NEMP2: variants seen among roughly 807,000 people sequenced by gnomAD.
NEMP2 encodes the protein UPF0571 transmembrane protein.
In NEMP2, 53 loss-of-function variants were observed where a neutral mutation model predicts 54.2. The observed-to-expected ratio is 0.98, with a 90% confidence interval of 0.78 to 1.23. NEMP2 has a LOEUF of 1.23. Ranked by LOEUF, NEMP2 falls within the 50% of genes most tolerant of loss-of-function variation. NEMP2 has a pLI of 0.00. For missense variants in NEMP2, 455 were observed against 511.3 expected, an observed-to-expected ratio of 0.89 and a Z score of 1.06; for synonymous variants, 197 against 190.3, an observed-to-expected ratio of 1.04 and a Z score of -0.29.
At chr2:190,493,071 TA>T in the NEMP2 span, among the ~76,000 whole-genome samples, 2 of 152,214 alleles carry the variant, frequency 1.3e-5, no homozygotes. Flanking sequence ...ATGCTCCACT[TA>T]AAAGATACAG....
At chr2:190,535,198 C>A (rs1209208498), upstream of NEMP2, 2 of 152,248 alleles carry the variant, frequency 1.3e-5, no homozygotes, top group African/African-American at 4.8e-5. Flanking sequence ...AAGCCAGTTT[C>A]TTTATTTTAC....
the NEMP2 span, among the ~76,000 whole-genome samples, chr2:190,621,288 A>G: frequency 6.6e-6 from 1 of 152,240 alleles, no homozygotes; most frequent in Non-Finnish European, 1.5e-5. Flanking sequence ...CCTAGGCTAC[A>G]AACTTGTACA....
rs1284263732 is a variant in NEMP2, at chr2:190,518,756, AAAG to A, written c.495_497del (p.Phe166del). 4 of 1,544,388 alleles carry A rather than the reference AAAG, an allele frequency of 2.6e-6. No individual in the cohort carries two copies. Among genetic ancestry groups the A allele is most frequent in the Admixed American group, 4.1e-5 (2 of 49,348 alleles). On this transcript the variant is annotated inframe_deletion, in exon 4 of 9. Transcript: ENST00000409150. The stretch of plus-strand genomic sequence containing the variant: ...CTTACTGACTCAGGGTCCTTGCATA[AAAG>A]AAAAGAAAAACTCCTGCCACAAACA...
the NEMP2 span, among the ~76,000 whole-genome samples, chr2:190,559,931 G>A: frequency 6.6e-6 from 1 of 152,192 alleles, no homozygotes; most frequent in African/African-American, 2.4e-5. This position sits in a 1 kb window ranked among gnomAD's most constrained non-coding sequence, Gnocchi z 4.0. Context: ...GTATCTAAAA[G>A]GAGGAGGTGA....
chr2:190,446,102 T>G, the NEMP2 span, among the ~76,000 whole-genome samples: 1 of 152,156 alleles, frequency 6.6e-6, no homozygotes, highest in African/African-American at 2.4e-5. Flanking sequence ...AATAGCACTC[T>G]CCAAAAGTGA....
the NEMP2 span, among the ~76,000 whole-genome samples, chr2:190,647,716 T>C: frequency 3.9e-3 from 564 of 143,104 alleles, 3 homozygotes; most frequent in African/African-American, 0.013. Flanking sequence ...TCTTCTTTTT[T>C]TTTTTTTTTT....
At chr2:190,437,521 T>G in the NEMP2 span, 3 of 1,614,096 alleles carry the variant, frequency 1.9e-6, no homozygotes, top group Non-Finnish European at 2.5e-6. The surrounding 1 kb of genome is among the most constrained non-coding windows in gnomAD (Gnocchi z 5.9). Context: ...GACAGCATAT[T>G]TTTTTAGTCA....
At chr2:190,546,079 A>G in the NEMP2 span, among the ~76,000 whole-genome samples, 1 of 152,232 alleles carries the variant, frequency 6.6e-6, no homozygotes, top group Admixed American at 6.5e-5. The surrounding 1 kb of genome is among the most constrained non-coding windows in gnomAD (Gnocchi z 5.1). Context: ...CTATAACAAA[A>G]TCACAATTTC....
intron 7 of NEMP2, among the ~76,000 whole-genome samples, chr2:190,511,469 T>C (rs1049202928): frequency 1.3e-5 from 2 of 152,062 alleles, no homozygotes; most frequent in Non-Finnish European, 2.9e-5. Context: ...TCTAAAAATT[T>C]AGGAATCTAA....
the NEMP2 span, among the ~76,000 whole-genome samples, chr2:190,582,232 C>A: frequency 8.5e-5 from 13 of 152,258 alleles, no homozygotes; most frequent in Non-Finnish European, 1.3e-4. This position sits in a 1 kb window ranked among gnomAD's most constrained non-coding sequence, Gnocchi z 4.6. Context: ...CTATAAGAGG[C>A]TTCAGGGTTT....
chr2:190,500,179 T>A (rs1468191101), downstream of NEMP2: 3 of 1,613,470 alleles, frequency 1.9e-6, no homozygotes, highest in African/African-American at 4.0e-5. The surrounding 1 kb of genome is among the most constrained non-coding windows in gnomAD (Gnocchi z 5.3). Context: ...CAGAGGAGAG[T>A]GAAGAGCAGC....
the NEMP2 span, among the ~76,000 whole-genome samples, chr2:190,472,066 T>C: frequency 1 from 152,215 of 152,306 alleles, 76,062 homozygotes; most frequent in Middle Eastern, 1. Flanking sequence ...ACAGAAAGGA[T>C]ATCCACACCA....
the NEMP2 span, among the ~76,000 whole-genome samples, chr2:190,636,653 T>C: frequency 6.6e-6 from 1 of 152,228 alleles, no homozygotes; most frequent in South Asian, 2.1e-4. Flanking sequence ...CCAGAATATC[T>C]ACCCCAGGGG....
Position 190,525,511 on chromosome 2 carries a change from A to G in NEMP2, c.98-133T>C, listed in dbSNP as rs1690901984. 1.8e-6 allele frequency: 1 copy of G among 555,910 alleles called. No individual in the cohort carries two copies. The highest frequency in any genetic ancestry group is 3.2e-6 in the Non-Finnish European group (1 of 311,978). The allele number at this position is 555,910 out of a possible 1,614,324, so 34.4% of individuals were successfully genotyped here. Reference sequence around the variant, plus strand: ...CAATAAATTCTCCTATATGATAATTATAGTCCTTCAGTGTTTCCAACCAAG... The same window carrying G: ...CAATAAATTCTCCTATATGATAATTGTAGTCCTTCAGTGTTTCCAACCAAG... On this transcript the variant is annotated intron_variant, in intron 1 of 8. Transcript: ENST00000409150. This position sits in a 1 kb window ranked among gnomAD's most constrained non-coding sequence, Gnocchi z 5.0.
At chr2:190,536,376 C>T (rs1691379346), upstream of NEMP2, among the ~76,000 whole-genome samples, 1 of 152,152 alleles carries the variant, frequency 6.6e-6, no homozygotes, top group South Asian at 2.1e-4. Context: ...TGGGGAGCAG[C>T]AGGAGCAGGA....
chr2:190,454,930 CTGTATG>C, the NEMP2 span, among the ~76,000 whole-genome samples: 1 of 120,550 alleles, frequency 8.3e-6, no homozygotes, highest in Non-Finnish European at 1.6e-5. The surrounding 1 kb of genome is among the most constrained non-coding windows in gnomAD (Gnocchi z 4.6). Flanking sequence ...TTCCTGGTTT[CTGTATG>C]TATATGTATA....
chr2:190,576,273 C>T, the NEMP2 span, among the ~76,000 whole-genome samples: 2 of 152,140 alleles, frequency 1.3e-5, no homozygotes, highest in African/African-American at 2.4e-5. Flanking sequence ...GCCCTGCCTG[C>T]ATTACTTTTT....
chr2:190,640,220 ATGT>A, the NEMP2 span, among the ~76,000 whole-genome samples: 5 of 152,198 alleles, frequency 3.3e-5, no homozygotes, highest in South Asian at 2.1e-4. Context: ...TTCACAAATA[ATGT>A]TGTAATAAAA....
At chr2:190,629,351 T>C in the NEMP2 span, among the ~76,000 whole-genome samples, 1 of 152,212 alleles carries the variant, frequency 6.6e-6, no homozygotes. Flanking sequence ...AATAAACTTG[T>C]ACTAACTTGT....
Sources: gnomAD v4.1 joint callset for allele counts (sites outside exome capture counted in the v4.1 genomes callset) on GRCh38, gnomAD v4.1.1 for gene constraint, Gnocchi (gnomAD v3.1) non-coding constraint, MANE v1.5 for transcripts, NCBI Gene and HGNC (gene_info 2026-07-23, HGNC 2026-07-21) for gene names.